The following RNF130 variants were observed in gnomAD, a reference collection of about 807,000 sequenced individuals.
The protein encoded by RNF130 is E3 ubiquitin-protein ligase RNF130.
Under a neutral mutation model 44.6 loss-of-function variants are expected in RNF130, and 21 were observed. The ratio of observed to expected loss-of-function variants is 0.47; its 90% confidence interval spans 0.33 to 0.68. The LOEUF (loss-of-function observed/expected upper bound fraction) is 0.68, where lower values mean the gene tolerates loss of function less well. RNF130 is among the 30% of genes least tolerant of loss of function. The pLI is 0.02. For synonymous variants in RNF130, 214 were observed against 210.4 expected (o/e 1.02, Z -0.15); for missense variants, 479 against 560.6 (o/e 0.85, Z 1.47).
intron 7 of RNF130, among the ~76,000 whole-genome samples, chr5:179,944,937 T>C (rs1762016286): frequency 6.6e-6 from 1 of 152,188 alleles, no homozygotes; most frequent in Non-Finnish European, 1.5e-5. Context: ...CAAAGCTTTA[T>C]TTTATCACTA....
exon 8 of RNF130, chr5:179,919,433 A>G (rs938304375): frequency 2.6e-5 from 4 of 152,386 alleles, no homozygotes; most frequent in African/African-American, 4.8e-5. Flanking sequence ...GGTCTTCCCA[A>G]TGAGACATTC....
chr5:180,058,758 C>T (rs1392740121), intron 1 of RNF130, among the ~76,000 whole-genome samples: 6 of 152,052 alleles, frequency 3.9e-5, no homozygotes, highest in Non-Finnish European at 7.4e-5. Context: ...GATGGGGTTT[C>T]ACCATGTTAG....
chr5:180,030,446 A>G (rs1035708824), intron 2 of RNF130, among the ~76,000 whole-genome samples: 1 of 152,206 alleles, frequency 6.6e-6, no homozygotes, highest in Non-Finnish European at 1.5e-5. Context: ...GGGATGTGCA[A>G]CCATCATCAC....
chr5:179,913,345 C>G (rs1419885155), exon 8 of RNF130: 1 of 150,110 alleles, frequency 6.7e-6, no homozygotes, highest in East Asian at 1.9e-4. Flanking sequence ...AGTTGCAGGA[C>G]GTTCAAAGGT....
Position 179,928,728 on chromosome 5 carries a change from A to T in RNF130, c.1151-8302T>A, listed in dbSNP as rs185718322. Among the ~76,000 whole-genome samples the T allele has an allele frequency of 2.7e-3, 409 of 150,966 alleles. 1 individual carries two copies. The highest frequency in any genetic ancestry group is 9.2e-3 in the African/African-American group (376 of 41,036). On this transcript the variant is annotated intron_variant, in intron 7 of 7. Coordinates refer to the RNF130 transcript ENST00000522208. Reference sequence around the variant, plus strand: ...ACTGCAAGCCCCGCCTCCTGGGTTCATGCCATTCTCCTGCCTCAGCCTCCC... The same window carrying T: ...ACTGCAAGCCCCGCCTCCTGGGTTCTTGCCATTCTCCTGCCTCAGCCTCCC...
chr5:179,997,380 C>A (rs1008821532), intron 3 of RNF130, among the ~76,000 whole-genome samples: 3 of 152,026 alleles, frequency 2.0e-5, no homozygotes, highest in Non-Finnish European at 4.4e-5. Context: ...CTGGAGCGCA[C>A]TGGCGCAATC....
chr5:179,926,313 G>T (rs1206314699), intron 7 of RNF130, among the ~76,000 whole-genome samples: 3 of 152,094 alleles, frequency 2.0e-5, no homozygotes, highest in Non-Finnish European at 4.4e-5. Flanking sequence ...TCCTTTTTCT[G>T]ACACGTCTCT....
intron 3 of RNF130, among the ~76,000 whole-genome samples, chr5:180,005,592 A>C (rs1763447891): frequency 6.6e-6 from 1 of 152,170 alleles, no homozygotes; most frequent in Non-Finnish European, 1.5e-5. Context: ...TGTTTCAGTC[A>C]TTCAACTCTT....
chr5:180,032,161 G>GT (rs553630047), intron 2 of RNF130, among the ~76,000 whole-genome samples: 113 of 152,124 alleles, frequency 7.4e-4, no homozygotes, highest in African/African-American at 2.7e-3. Flanking sequence ...TCTTTTCATT[G>GT]TTTTTCAATG....
intron 1 of RNF130, among the ~76,000 whole-genome samples, chr5:180,066,789 C>T (rs369307012): frequency 6.6e-6 from 1 of 151,784 alleles, no homozygotes; most frequent in African/African-American, 2.4e-5. Context: ...GCCGAGATCG[C>T]GCCATTGCAC....
chr5:179,927,586 C>CTTTTT (rs5873673), intron 7 of RNF130, among the ~76,000 whole-genome samples: 1 of 112,172 alleles, frequency 8.9e-6, no homozygotes, highest in Non-Finnish European at 1.8e-5. Flanking sequence ...TTAGCTTTGT[C>CTTTTT]TTTTTTTTTT....
chr5:179,979,153 G>C (rs1762776511), intron 4 of RNF130, among the ~76,000 whole-genome samples: 1 of 151,350 alleles, frequency 6.6e-6, no homozygotes, highest in Admixed American at 6.6e-5. Context: ...GGCAGCTGAG[G>C]CTACCAGGCC....
intron 7 of RNF130, among the ~76,000 whole-genome samples, chr5:179,925,358 G>A (rs534921056): frequency 2.0e-5 from 3 of 152,282 alleles, no homozygotes; most frequent in African/African-American, 7.2e-5. Flanking sequence ...GGATACTTCG[G>A]GGATAGCTAA....
intron 3 of RNF130, among the ~76,000 whole-genome samples, chr5:179,988,192 T>C (rs1043443537): frequency 1.3e-5 from 2 of 152,242 alleles, no homozygotes; most frequent in Non-Finnish European, 2.9e-5. Flanking sequence ...GCTAGGAATG[T>C]ATCCATTTTC....
chr5:180,020,787 G>T (rs370248635), intron 2 of RNF130, among the ~76,000 whole-genome samples: 1 of 152,134 alleles, frequency 6.6e-6, no homozygotes, highest in Admixed American at 6.5e-5. Context: ...CACACACAGA[G>T]GCAGAAGGGG....
intron 3 of RNF130, among the ~76,000 whole-genome samples, chr5:180,007,027 T>C (rs527343270): frequency 1.3e-5 from 2 of 152,334 alleles, no homozygotes; most frequent in East Asian, 3.9e-4. Context: ...ATTGTGAGCA[T>C]TTTACTATGC....
At chr5:180,000,285 G>A (rs1763302869) in intron 3 of RNF130, among the ~76,000 whole-genome samples, 1 of 152,140 alleles carries the variant, frequency 6.6e-6, no homozygotes, top group African/African-American at 2.4e-5. Flanking sequence ...TAGTCTAATA[G>A]GGATTCTCTT....
chr5:180,038,217 C>A (rs1000464181), intron 2 of RNF130, among the ~76,000 whole-genome samples: 2 of 151,032 alleles, frequency 1.3e-5, no homozygotes, highest in Non-Finnish European at 3.0e-5. Flanking sequence ...ATCACACCTG[C>A]TAATTTTTGT....
At chr5:180,007,878 C>G (rs761579366) in intron 3 of RNF130, among the ~76,000 whole-genome samples, 1 of 152,166 alleles carries the variant, frequency 6.6e-6, no homozygotes, top group Non-Finnish European at 1.5e-5. Flanking sequence ...TGAGCTACAC[C>G]CAGTCCACTA....
Sources: allele counts gnomAD v4.1 joint callset (sites outside exome capture counted in the v4.1 genomes callset), GRCh38; gene constraint gnomAD v4.1.1; transcripts MANE v1.5; gene names NCBI Gene and HGNC (gene_info 2026-07-23, HGNC 2026-07-21).